The following CFDP1 variants were observed in gnomAD, a reference collection of about 807,000 sequenced individuals.
The protein encoded by CFDP1 is heterochromatin-stabilizing protein CFDP1.
CFDP1 carries 31 observed loss-of-function variants against 40.1 expected under a neutral mutation model. The observed-to-expected ratio is 0.77, with a 90% CI of 0.58 to 1.04. CFDP1 has a LOEUF of 1.04. Among genes scored for constraint, CFDP1 ranks in the 50% least tolerant of loss-of-function variants. The pLI is 0.00. For synonymous variants in CFDP1, 167 were observed against 120.0 expected (o/e 1.39, Z -2.56); for missense variants, 423 against 343.4 (o/e 1.23, Z -1.83).
intron 5 of CFDP1, among the ~76,000 whole-genome samples, chr16:75,338,630 A>G (rs145416553): frequency 6.6e-6 from 1 of 152,112 alleles, no homozygotes; most frequent in South Asian, 2.1e-4. Flanking sequence ...TTACTGACCT[A>G]ATGCATTTTC....
intron 5 of CFDP1, among the ~76,000 whole-genome samples, chr16:75,347,740 G>A (rs1480773614): frequency 1.3e-5 from 2 of 152,170 alleles, no homozygotes; most frequent in East Asian, 1.9e-4. Context: ...CTTTACAGTG[G>A]AGACATCTGA....
chr16:75,352,884 A>C (rs1443321478), intron 5 of CFDP1, among the ~76,000 whole-genome samples: 1 of 152,214 alleles, frequency 6.6e-6, no homozygotes, highest in Non-Finnish European at 1.5e-5. Context: ...GTCCCAAAAT[A>C]AAACATCACT....
At chr16:75,349,171 G>A (rs1206367506) in intron 5 of CFDP1, among the ~76,000 whole-genome samples, 1 of 152,028 alleles carries the variant, frequency 6.6e-6, no homozygotes, top group African/African-American at 2.4e-5. Flanking sequence ...CACCAGGGCT[G>A]TCTCCTTAAT....
chr16:75,390,222 C>T (rs965383272), intron 5 of CFDP1, among the ~76,000 whole-genome samples: 1 of 152,190 alleles, frequency 6.6e-6, no homozygotes, highest in African/African-American at 2.4e-5. Context: ...TCCCACATGG[C>T]TCTCTGCTCT....
At chr16:75,349,925 G>C (rs1466617968) in intron 5 of CFDP1, among the ~76,000 whole-genome samples, 2 of 151,592 alleles carry the variant, frequency 1.3e-5, no homozygotes, top group African/African-American at 4.9e-5. Flanking sequence ...AAGTAGAATA[G>C]AGATGGCATG....
At chr16:75,426,520 T>C (rs1274548674) in intron 1 of CFDP1, among the ~76,000 whole-genome samples, 2 of 151,874 alleles carry the variant, frequency 1.3e-5, no homozygotes, top group Non-Finnish European at 2.9e-5. Context: ...TTAAAAATTT[T>C]ACTCTGCAGG....
intron 1 of CFDP1, chr16:75,418,960 C>A (rs568492879): frequency 1.2e-5 from 3 of 257,200 alleles, no homozygotes; most frequent in Middle Eastern, 1.5e-3. Context: ...GGCAACAGAG[C>A]AAGAGCCTGT....
intron 1 of CFDP1, among the ~76,000 whole-genome samples, chr16:75,425,484 C>T (rs1361742674): frequency 6.6e-6 from 1 of 151,528 alleles, no homozygotes; most frequent in Non-Finnish European, 1.5e-5. Context: ...AGTACTCTCT[C>T]TACCTGATTT....
chr16:75,324,469 CG>C (rs2078389413), intron 5 of CFDP1, among the ~76,000 whole-genome samples: 1 of 152,110 alleles, frequency 6.6e-6, no homozygotes, highest in South Asian at 2.1e-4. Context: ...TGGCTGGGCG[CG>C]GTGGCTCATG....
chr16:75,378,961 A>C (rs775469637), intron 5 of CFDP1, among the ~76,000 whole-genome samples: 2 of 152,132 alleles, frequency 1.3e-5, no homozygotes, highest in Non-Finnish European at 2.9e-5. Context: ...AACTCTCTGA[A>C]AACTTGGAAA....
At chr16:75,384,852 C>CTATATATATATATATA (rs59681577) in intron 5 of CFDP1, among the ~76,000 whole-genome samples, 4 of 119,998 alleles carry the variant, frequency 3.3e-5, no homozygotes, top group South Asian at 2.6e-4. Context: ...GAAACTAAAA[C>CTATATATATATATATA]TATATATATA....
intron 5 of CFDP1, among the ~76,000 whole-genome samples, chr16:75,383,328 C>G (rs139598136): frequency 7.4e-4 from 112 of 152,312 alleles, no homozygotes; most frequent in African/African-American, 2.6e-3. Flanking sequence ...TAATATGAAT[C>G]TTTCTGTACA....
At chr16:75,414,382 T>A (rs2079186834) in intron 2 of CFDP1, among the ~76,000 whole-genome samples, 196 bp downstream of exon 2, 1 of 152,190 alleles carries the variant, frequency 6.6e-6, no homozygotes, top group Non-Finnish European at 1.5e-5. Flanking sequence ...TAACATTTTC[T>A]TTACATTAAA....
intron 5 of CFDP1, among the ~76,000 whole-genome samples, chr16:75,335,174 T>A (rs532086872): frequency 3.3e-4 from 50 of 152,286 alleles, no homozygotes; most frequent in African/African-American, 7.7e-4. Context: ...ATGTGGTAAG[T>A]TCCCCCCTGG....
intron 4 of CFDP1, among the ~76,000 whole-genome samples, chr16:75,404,730 C>CTT (rs2079084354): frequency 6.6e-6 from 1 of 151,416 alleles, no homozygotes; most frequent in African/African-American, 2.4e-5. Flanking sequence ...AAAACCAATG[C>CTT]TGTGAAATAC....
chr16:75,397,783 G>C (rs1031923627), intron 4 of CFDP1, among the ~76,000 whole-genome samples: 2 of 151,984 alleles, frequency 1.3e-5, no homozygotes, highest in Non-Finnish European at 2.9e-5. Context: ...TCCAGCCTGG[G>C]CGACAGCGAG....
chr16:75,405,515 A>T (rs928309231), intron 4 of CFDP1, among the ~76,000 whole-genome samples: 1 of 152,028 alleles, frequency 6.6e-6, no homozygotes, highest in African/African-American at 2.4e-5. Context: ...TGGGAGGCTG[A>T]GGCGGGCAGA....
chr16:75,404,274 T>C (rs247426), intron 4 of CFDP1, among the ~76,000 whole-genome samples: 135,819 of 146,244 alleles, frequency 0.93, 63,094 homozygotes, highest in East Asian at 1. Context: ...CTTGCTCTGT[T>C]GCCCAGGCTG....
At chr16:75,336,315 A>C (rs1249226897) in intron 5 of CFDP1, among the ~76,000 whole-genome samples, 2 of 152,178 alleles carry the variant, frequency 1.3e-5, no homozygotes, top group Admixed American at 1.3e-4. Flanking sequence ...ACAGGAGTTA[A>C]GGGGGCAGGG....
Sources: gnomAD v4.1 joint callset for allele counts (sites outside exome capture counted in the v4.1 genomes callset) on GRCh38, gnomAD v4.1.1 for gene constraint, MANE v1.5 for transcripts, NCBI Gene and HGNC (gene_info 2026-07-23, HGNC 2026-07-21) for gene names.